The following TBC1D19 variants were observed in gnomAD, a reference collection of about 807,000 sequenced individuals.
TBC1D19 encodes TBC1 domain family, member 19.
Under a neutral mutation model 89.0 loss-of-function variants are expected in TBC1D19, and 60 were observed. That is an observed-to-expected ratio of 0.67 (90% CI 0.55 to 0.84). The LOEUF is 0.84. TBC1D19 is among the 40% of genes least tolerant of loss of function. TBC1D19 has a pLI of 0.00. For synonymous variants in TBC1D19, 189 were observed against 199.7 expected (o/e 0.95, Z 0.45); for missense variants, 500 against 610.8 (o/e 0.82, Z 1.91).
the TBC1D19 span, among the ~76,000 whole-genome samples, chr4:26,817,981 A>T: frequency 0.038 from 4,745 of 125,652 alleles, 238 homozygotes; most frequent in East Asian, 0.17. Context: ...AAAAAAAAAA[A>T]ATATATATAT....
chr4:26,718,699 C>A (rs1716798235), intron 14 of TBC1D19, among the ~76,000 whole-genome samples: 1 of 152,064 alleles, frequency 6.6e-6, no homozygotes. Flanking sequence ...GGCCACATAA[C>A]CTTGTGCTGG....
intron 15 of TBC1D19, among the ~76,000 whole-genome samples, chr4:26,731,187 A>AG (rs1398436469): frequency 2.6e-5 from 4 of 152,188 alleles, no homozygotes; most frequent in African/African-American, 7.2e-5. Flanking sequence ...TGAATTGCTT[A>AG]GGGGGAGGGA....
At chr4:26,818,490 A>C in the TBC1D19 span, among the ~76,000 whole-genome samples, 1 of 152,166 alleles carries the variant, frequency 6.6e-6, no homozygotes, top group African/African-American at 2.4e-5. Context: ...TCCTGGGCTC[A>C]AACAGTCCGC....
chr4:26,804,628 GGGCGCAGCCCAGGAC>G, the TBC1D19 span, among the ~76,000 whole-genome samples: 1 of 152,142 alleles, frequency 6.6e-6, no homozygotes, highest in East Asian at 1.9e-4. Context: ...AGACCCCACC[GGGCGCAGCCCAGGAC>G]GGCGCAGCGC....
the TBC1D19 span, among the ~76,000 whole-genome samples, chr4:26,837,188 A>G: frequency 6.6e-6 from 1 of 152,200 alleles, no homozygotes. Flanking sequence ...TAAAAGGTCT[A>G]TATAATGGAG....
intron 4 of TBC1D19, among the ~76,000 whole-genome samples, chr4:26,620,939 G>A (rs1332732796): frequency 6.6e-6 from 1 of 152,158 alleles, no homozygotes; most frequent in Non-Finnish European, 1.5e-5. Flanking sequence ...ATACTGGCCT[G>A]CAATTTAAAA....
At chr4:26,839,017 A>G in the TBC1D19 span, among the ~76,000 whole-genome samples, 1 of 152,236 alleles carries the variant, frequency 6.6e-6, no homozygotes, top group Non-Finnish European at 1.5e-5. Context: ...ATTTATTTTA[A>G]GATTCGTTTA....
At position 26,755,305 on chromosome 4, in the gene TBC1D19, T is replaced by C. The variant is rs1719205478; in HGVS notation, c.*358T>C. ...AAACTTCAAGAGGTAATGTAGCTTC[T>C]TGGATAATTCTTTTATGTCAGTTTA... On this transcript the variant is annotated 3_prime_UTR_variant, in exon 21 of 21. Transcript: ENST00000264866. 1.3e-5 allele frequency: 2 copies of C among 152,786 alleles called. No individual in the cohort carries two copies. The highest frequency in any genetic ancestry group is 4.1e-4 in the South Asian group (2 of 4,828). 9.5% of individuals were successfully genotyped at this position (152,786 alleles called of 1,614,324 possible).
chr4:26,735,611 A>G, intron 16 of TBC1D19, 124 bp downstream of exon 16: 1 of 831,998 alleles, frequency 1.2e-6, no homozygotes, highest in Non-Finnish European at 1.7e-6. Context: ...GAAAAAATAA[A>G]GTGAAATGCA....
chr4:26,651,096 C>A (rs1196415103), intron 7 of TBC1D19, among the ~76,000 whole-genome samples: 1 of 152,078 alleles, frequency 6.6e-6, no homozygotes, highest in Non-Finnish European at 1.5e-5. Context: ...GGTACGAGTA[C>A]CATGCTGTTT....
At chr4:26,836,128 T>C in the TBC1D19 span, among the ~76,000 whole-genome samples, 1 of 152,170 alleles carries the variant, frequency 6.6e-6, no homozygotes, top group Non-Finnish European at 1.5e-5. Context: ...TCCAGTTTGG[T>C]TTAAACGTCA....
intron 13 of TBC1D19, among the ~76,000 whole-genome samples, chr4:26,711,900 C>T (rs187599254): frequency 2.8e-4 from 42 of 152,146 alleles, no homozygotes; most frequent in Admixed American, 1.6e-3. Context: ...CAGGATTGCA[C>T]ACCAGTACGT....
intron 13 of TBC1D19, among the ~76,000 whole-genome samples, chr4:26,693,545 A>G (rs1040056424): frequency 4.0e-5 from 6 of 151,740 alleles, no homozygotes; most frequent in Admixed American, 6.6e-5. Context: ...TAGAAAAAAA[A>G]TTAGCTGGGT....
At chr4:26,717,056 C>A (rs1314763043) in intron 13 of TBC1D19, among the ~76,000 whole-genome samples, 1 of 152,076 alleles carries the variant, frequency 6.6e-6, no homozygotes, top group East Asian at 1.9e-4. Flanking sequence ...ACCAGTGAAC[C>A]TGACTGATTC....
intron 7 of TBC1D19, among the ~76,000 whole-genome samples, chr4:26,656,651 C>T (rs940833492): frequency 6.6e-6 from 1 of 151,900 alleles, no homozygotes; most frequent in African/African-American, 2.4e-5. Context: ...CTCCCCCTCC[C>T]GGGTTAAAGC....
At chr4:26,736,393 G>C (rs1390100995) in intron 16 of TBC1D19, among the ~76,000 whole-genome samples, 1 of 144,084 alleles carries the variant, frequency 6.9e-6, no homozygotes, top group South Asian at 2.4e-4. Flanking sequence ...GGGGACTGTT[G>C]TGGGGTTGGG....
the TBC1D19 span, among the ~76,000 whole-genome samples, chr4:26,828,949 AT>A: frequency 6.6e-6 from 1 of 152,350 alleles, no homozygotes; most frequent in African/African-American, 2.4e-5. Context: ...AGGAAGGGAG[AT>A]TAGGACAAAT....
At chr4:26,719,770 A>G (rs1411090584) in intron 14 of TBC1D19, among the ~76,000 whole-genome samples, 2 of 152,128 alleles carry the variant, frequency 1.3e-5, no homozygotes, top group African/African-American at 4.8e-5. Context: ...TGTAATTAGC[A>G]AAACAATTTT....
At chr4:26,845,602 A>G in the TBC1D19 span, among the ~76,000 whole-genome samples, 2 of 152,198 alleles carry the variant, frequency 1.3e-5, no homozygotes, top group African/African-American at 4.8e-5. Context: ...TATTCTAGGT[A>G]TCTCATTGTA....
Sources: allele counts gnomAD v4.1 joint callset (sites outside exome capture counted in the v4.1 genomes callset), GRCh38; gene constraint gnomAD v4.1.1; transcripts MANE v1.5; gene names NCBI Gene and HGNC (gene_info 2026-07-23, HGNC 2026-07-21).